CCSER1: variants seen among roughly 807,000 people sequenced by gnomAD.
The protein encoded by CCSER1 is serine-rich coiled-coil domain-containing protein 1.
A neutral mutation model predicts 82.0 loss-of-function variants in CCSER1; 41 were observed. That is an observed-to-expected ratio of 0.50 (90% CI 0.39 to 0.65). The LOEUF (loss-of-function observed/expected upper bound fraction) is 0.65. CCSER1 is among the 30% of genes least tolerant of loss of function. CCSER1 has a pLI of 0.00. For synonymous variants in CCSER1, 414 were observed against 383.9 expected, an observed-to-expected ratio of 1.08 and a Z score of -0.92; for missense variants, 1,119 against 1,064.2, an observed-to-expected ratio of 1.05 and a Z score of -0.72.
At chr4:91,114,953 A>G (rs1473516308) in intron 10 of CCSER1, among the ~76,000 whole-genome samples, 1 of 152,166 alleles carries the variant, frequency 6.6e-6, no homozygotes, top group East Asian at 1.9e-4. Context: ...TCCTTCTCTT[A>G]ATATTTTATA....
chr4:90,566,259 A>G (rs111322582), intron 5 of CCSER1, among the ~76,000 whole-genome samples: 9 of 152,156 alleles, frequency 5.9e-5, no homozygotes, highest in African/African-American at 2.2e-4. Context: ...TAGTTTTATT[A>G]ATAGTGTCTT....
At chr4:91,485,649 A>C (rs1758175534) in intron 10 of CCSER1, among the ~76,000 whole-genome samples, 1 of 152,178 alleles carries the variant, frequency 6.6e-6, no homozygotes, top group Non-Finnish European at 1.5e-5. Context: ...CTGTGTTGTC[A>C]AAACATTTCT....
chr4:90,381,865 C>A (rs1749262293), intron 3 of CCSER1, among the ~76,000 whole-genome samples: 1 of 151,852 alleles, frequency 6.6e-6, no homozygotes, highest in Non-Finnish European at 1.5e-5. Context: ...TATTTATATA[C>A]CTTCAATAAT....
At chr4:90,799,330 A>G (rs917174609) in intron 7 of CCSER1, among the ~76,000 whole-genome samples, 9 of 152,120 alleles carry the variant, frequency 5.9e-5, no homozygotes, top group Non-Finnish European at 8.8e-5. Flanking sequence ...CTGCTCTGCA[A>G]TGGCAGTTGG....
chr4:91,592,575 C>T (rs1001921588), intron 10 of CCSER1, among the ~76,000 whole-genome samples: 4 of 150,512 alleles, frequency 2.7e-5, no homozygotes, highest in African/African-American at 9.7e-5. Flanking sequence ...AAAGTTACTA[C>T]TTAGCTTCTA....
intron 5 of CCSER1, among the ~76,000 whole-genome samples, chr4:90,504,586 C>T (rs1422881802): frequency 2.6e-5 from 4 of 152,184 alleles, no homozygotes; most frequent in Non-Finnish European, 5.9e-5. Flanking sequence ...CCATTGTCTC[C>T]ATGTCTAATA....
intron 10 of CCSER1, among the ~76,000 whole-genome samples, chr4:91,154,814 T>C (rs1385640320): frequency 6.6e-6 from 1 of 152,026 alleles, no homozygotes; most frequent in Non-Finnish European, 1.5e-5. Context: ...TGTTACTCTA[T>C]ATCAGGCGCA....
intron 5 of CCSER1, among the ~76,000 whole-genome samples, chr4:90,602,503 A>T (rs1035646986): frequency 6.6e-6 from 1 of 152,146 alleles, no homozygotes; most frequent in East Asian, 1.9e-4. Flanking sequence ...TTCACCCAAT[A>T]TCCATCTTAG....
intron 7 of CCSER1, among the ~76,000 whole-genome samples, chr4:90,765,217 T>A (rs1220065846): frequency 3.3e-5 from 5 of 152,166 alleles, no homozygotes; most frequent in African/African-American, 9.6e-5. Context: ...TAACAAGCTG[T>A]ACAAGGCCTT....
intron 6 of CCSER1, among the ~76,000 whole-genome samples, chr4:90,723,656 A>G (rs1743094490): frequency 6.6e-6 from 1 of 151,912 alleles, no homozygotes; most frequent in Non-Finnish European, 1.5e-5. Flanking sequence ...AACACAAAAA[A>G]TGGCCATTAT....
At chr4:90,598,898 G>T (rs1783698123) in intron 5 of CCSER1, among the ~76,000 whole-genome samples, 1 of 152,164 alleles carries the variant, frequency 6.6e-6, no homozygotes, top group African/African-American at 2.4e-5. Context: ...GCAGTATCAT[G>T]TGTGAGAGCA....
chr4:90,196,656 T>TACACACACACACACACACACAC lies in CCSER1; in HGVS notation c.-42+68837_-42+68858dup, dbSNP rs34346681. On this transcript the variant is annotated intron_variant, in intron 1 of 10. Transcript: ENST00000509176. ...TTTCCTAATAATTTTCCTGCTCAGA[T>TACACACACACACACACACACAC]ACACACACACACACACACACACACA... is the stretch of plus-strand genomic sequence containing the variant. Among the ~76,000 whole-genome samples the TACACACACACACACACACACAC allele has an allele frequency of 3.5e-4, 50 of 143,896 alleles. 1 individual carries two copies. Among genetic ancestry groups the TACACACACACACACACACACAC allele is most frequent in the East Asian group, 1.3e-3 (6 of 4,642 alleles). 94.4% of individuals were successfully genotyped at this position (143,896 alleles called of 152,430 possible). A position where few individuals can be genotyped will look rare whatever the true frequency, so the allele number is the denominator to read the frequency against.
At chr4:90,150,990 G>A (rs1029163407) in intron 1 of CCSER1, among the ~76,000 whole-genome samples, 4 of 151,792 alleles carry the variant, frequency 2.6e-5, no homozygotes, top group African/African-American at 7.3e-5. Context: ...TCACAAAAGC[G>A]AAGCATTTGA....
chr4:90,299,571 C>T (rs1345689772), intron 1 of CCSER1, among the ~76,000 whole-genome samples: 1 of 152,090 alleles, frequency 6.6e-6, no homozygotes, highest in African/African-American at 2.4e-5. Flanking sequence ...TTTAATGTGT[C>T]TCATATTCTC....
At chr4:91,009,461 A>T (rs6532265) in intron 9 of CCSER1, among the ~76,000 whole-genome samples, 1 of 151,896 alleles carries the variant, frequency 6.6e-6, no homozygotes, top group African/African-American at 2.4e-5. Flanking sequence ...AGGTGGATGC[A>T]GTCACCTTCC....
At chr4:90,732,019 A>G (rs1287149721) in intron 7 of CCSER1, among the ~76,000 whole-genome samples, 1 of 96,314 alleles carries the variant, frequency 1.0e-5, no homozygotes, top group East Asian at 2.8e-4. Context: ...CACTGTACCT[A>G]TTGGGATTTC....
intron 10 of CCSER1, among the ~76,000 whole-genome samples, chr4:91,542,405 AT>A (rs1560750275): frequency 6.6e-6 from 1 of 151,994 alleles, no homozygotes; most frequent in African/African-American, 2.4e-5. Context: ...TAATTTTTGT[AT>A]TAGGTGTAAG....
intron 10 of CCSER1, among the ~76,000 whole-genome samples, chr4:91,271,142 GAAAA>G (rs1741997868): frequency 6.6e-6 from 1 of 152,068 alleles, no homozygotes; most frequent in Non-Finnish European, 1.5e-5. Context: ...ATTTTAGAAA[GAAAA>G]CAGTAGAAGG....
At chr4:90,444,785 T>G (rs1760399312) in intron 4 of CCSER1, among the ~76,000 whole-genome samples, 1 of 152,034 alleles carries the variant, frequency 6.6e-6, no homozygotes, top group African/African-American at 2.4e-5. Context: ...ATTTCGACAA[T>G]ACCTTTATTA....
Sources: gnomAD v4.1 joint callset for allele counts (sites outside exome capture counted in the v4.1 genomes callset) on GRCh38, gnomAD v4.1.1 for gene constraint, MANE v1.5 for transcripts, NCBI Gene and HGNC (gene_info 2026-07-23, HGNC 2026-07-21) for gene names.